Variants in PRCC observed in about 807,000 individuals in gnomAD.
The protein encoded by PRCC is proline-rich protein PRCC.
PRCC carries 10 observed loss-of-function variants against 44.0 expected under a neutral mutation model. That is an observed-to-expected ratio of 0.23 (90% CI 0.14 to 0.39). PRCC has a LOEUF of 0.39. Among genes scored for constraint, PRCC ranks in the 10% least tolerant of loss-of-function variants. PRCC has a pLI of 1.00. For synonymous variants in PRCC, 278 were observed against 259.5 expected, an observed-to-expected ratio of 1.07 and a Z score of -0.69; for missense variants, 573 against 624.7, an observed-to-expected ratio of 0.92 and a Z score of 0.88.
intron 1 of PRCC, among the ~76,000 whole-genome samples, chr1:156,774,771 G>A (rs1020613682): frequency 6.6e-6 from 1 of 151,970 alleles, no homozygotes; most frequent in Admixed American, 6.6e-5. Context: ...GGCCAAGATG[G>A]TGAAACCCCA....
chr1:156,774,157 C>CT lies in PRCC; in HGVS notation c.468+5954dup, dbSNP rs76271348. On this transcript the variant is annotated intron_variant, in intron 1 of 6. Transcript: ENST00000271526. ...GAGTTTCTTTCTTTTTTTGAGTCACCTTTTTTTTTTTTTTTTTTTTTTTTT... is the reference window on the plus strand; with the variant it reads ...GAGTTTCTTTCTTTTTTTGAGTCACCTTTTTTTTTTTTTTTTTTTTTTTTTT... 2.4e-3 allele frequency among the ~76,000 whole-genome samples: 130 copies of CT among 53,994 alleles called. 38 individuals are homozygous for CT. The highest frequency in any genetic ancestry group is 4.2e-3 in the Admixed American group (15 of 3,550). 35.4% of individuals were successfully genotyped at this position (53,994 alleles called of 152,430 possible).
intron 3 of PRCC, among the ~76,000 whole-genome samples, chr1:156,788,253 G>T (rs1652346265): frequency 6.6e-6 from 1 of 152,166 alleles, no homozygotes; most frequent in Non-Finnish European, 1.5e-5. Context: ...TGAAAACGTG[G>T]TATTTGGTTT....
At chr1:156,789,704 A>G (rs149626415) in intron 3 of PRCC, among the ~76,000 whole-genome samples, 2 of 152,346 alleles carry the variant, frequency 1.3e-5, no homozygotes, top group African/African-American at 4.8e-5. Flanking sequence ...AAGTTACTTA[A>G]CTGGCTCTCT....
rs369886073 is a variant in PRCC, at chr1:156,767,751, G to A, written c.-21G>A. 3.3e-5 allele frequency: 52 copies of A among 1,569,824 alleles called. No individual in the cohort carries two copies. The African/African-American group carries it at 6.1e-4, about 18-fold the overall frequency. On this transcript the variant is annotated 5_prime_UTR_variant, in exon 1 of 7. Transcript: ENST00000271526. ...GTAGGCCTCATCTGCCGGCAAGGGC[G>A]CCCGAAACGCGGGAGGCGCCATGTC...
At chr1:156,789,523 A>G (rs1171043611) in intron 3 of PRCC, among the ~76,000 whole-genome samples, 1 of 152,204 alleles carries the variant, frequency 6.6e-6, no homozygotes, top group Non-Finnish European at 1.5e-5. Flanking sequence ...AAGAGTTTCT[A>G]GAGGTGAGGA....
chr1:156,774,985 A>G (rs1461890861), intron 1 of PRCC, among the ~76,000 whole-genome samples: 1 of 149,006 alleles, frequency 6.7e-6, no homozygotes, highest in African/African-American at 2.5e-5. Flanking sequence ...GCAGTGGCTC[A>G]TGCCTGTAAT....
Position 156,794,648 on chromosome 1 carries a change from A to T in PRCC, c.1180-17A>T, listed in dbSNP as rs758689042. The T allele has an allele frequency of 6.1e-5, 98 of 1,613,498 alleles. No homozygotes were observed. The highest frequency in any genetic ancestry group is 8.0e-5 in the Non-Finnish European group (94 of 1,179,822). On this transcript the variant is annotated splice_polypyrimidine_tract_variant and intron_variant, in intron 4 of 6. Coordinates refer to ENST00000271526, the MANE Select transcript of PRCC (RefSeq NM_005973.5). ...CCTTGCCCAGATTCCTGACTCCTGC[A>T]TTTTTTTCTTTTCCAGTTTAAGCGG...
chr1:156,781,128 G>A (rs1652035847), intron 1 of PRCC, among the ~76,000 whole-genome samples: 2 of 152,190 alleles, frequency 1.3e-5, no homozygotes, highest in South Asian at 4.2e-4. Context: ...GCACACACAC[G>A]GAATCTTTGA....
chr1:156,768,212 C>G lies in PRCC; in HGVS notation c.441C>G (p.Ile147Met). 6.5e-7 allele frequency: 1 copy of G among 1,544,828 alleles called. No individual in the cohort carries two copies. The highest frequency in any genetic ancestry group is 8.7e-7 in the Non-Finnish European group (1 of 1,147,222). The change falls in exon 1 of 7, where the codon ATC (isoleucine) becomes ATG (methionine). Residue 147 changes from isoleucine (I) to methionine (M), a missense_variant. Coordinates refer to ENST00000271526, the MANE Select transcript of PRCC (RefSeq NM_005973.5). Reference sequence around the variant, plus strand: ...AGAAGAGGAAAGAGCCCGTGAAGATCGCGGCGCCGGAGTTGCATAAGGGAG... The same window carrying G: ...AGAAGAGGAAAGAGCCCGTGAAGATGGCGGCGCCGGAGTTGCATAAGGGAG... ...KPKKRKEPVK[I>M]AAPELHKGDS...
At chr1:156,800,142 T>C (rs1480614849) in intron 6 of PRCC, among the ~76,000 whole-genome samples, 1 of 152,216 alleles carries the variant, frequency 6.6e-6, no homozygotes, top group Non-Finnish European at 1.5e-5. Flanking sequence ...AGCACCAGGA[T>C]TCTTGAGTCT....
chr1:156,771,322 C>G (rs1284022608), intron 1 of PRCC, among the ~76,000 whole-genome samples: 1 of 152,136 alleles, frequency 6.6e-6, no homozygotes, highest in Non-Finnish European at 1.5e-5. Flanking sequence ...GGTCTTTCTA[C>G]CTCATTTTGG....
At chr1:156,769,836 G>A (rs1297217004) in intron 1 of PRCC, among the ~76,000 whole-genome samples, 1 of 152,016 alleles carries the variant, frequency 6.6e-6, no homozygotes, top group African/African-American at 2.4e-5. Context: ...TCCTGACCTC[G>A]TGATCCACCC....
intron 4 of PRCC, 93 bp from the exon 5 acceptor site, chr1:156,794,572 G>A: frequency 6.8e-7 from 1 of 1,478,094 alleles, no homozygotes; most frequent in East Asian, 2.3e-5. Flanking sequence ...GGATTGGTGA[G>A]TCACAAAATC....
chr1:156,791,866 T>A, intron 4 of PRCC, 74 bp downstream of exon 4: 3 of 1,368,428 alleles, frequency 2.2e-6, no homozygotes, highest in African/African-American at 1.5e-5. Context: ...CAAAGGAAAT[T>A]AAAAAAACAC....
At chr1:156,781,513 A>G (rs1274332721) in intron 1 of PRCC, among the ~76,000 whole-genome samples, 1 of 152,236 alleles carries the variant, frequency 6.6e-6, no homozygotes, top group East Asian at 1.9e-4. Flanking sequence ...AAAGCTTGCT[A>G]TTCATATGCC....
At chr1:156,792,440 T>TTTTTATG (rs1378017344) in intron 4 of PRCC, among the ~76,000 whole-genome samples, 3 of 152,070 alleles carry the variant, frequency 2.0e-5, no homozygotes, top group Non-Finnish European at 4.4e-5. Flanking sequence ...TTGTTTGTGT[T>TTTTTATG]TTTTTTGTTT....
chr1:156,791,531 C>T (rs544310254), intron 3 of PRCC, 166 bp from the exon 4 acceptor site: 65 of 611,222 alleles, frequency 1.1e-4, no homozygotes, highest in East Asian at 3.4e-4. Context: ...AGTTGTAGGT[C>T]GGTCCTTGGG....
rs1449373262 is a variant in PRCC at position 156,786,964 on chromosome 1, C to T, written c.873C>T (p.Tyr291=). Reference sequence around the variant, plus strand: ...CTGAGCCACCTGGAGTTGAGCCATACCCTTACCCCATCCCCACTGTCCCTG... The same window carrying T: ...CTGAGCCACCTGGAGTTGAGCCATATCCTTACCCCATCCCCACTGTCCCTG... ...EKAEPPGVEP[Y]PYPIPTVPEE... is the part of the protein sequence containing the mutation. Residue 291 remains tyrosine (Y), a synonymous_variant, in exon 3 of 7, where the codon TAC becomes TAT. Coordinates refer to ENST00000271526, the MANE Select transcript of PRCC (RefSeq NM_005973.5). 3 of 1,614,120 alleles carry T rather than the reference C, an allele frequency of 1.9e-6. No individual in the cohort carries two copies. The highest frequency in any genetic ancestry group is 8.5e-7 in the Non-Finnish European group (1 of 1,180,052).
chr1:156,770,535 C>T (rs1298296947), intron 1 of PRCC, among the ~76,000 whole-genome samples: 1 of 152,178 alleles, frequency 6.6e-6, no homozygotes, highest in Admixed American at 6.5e-5. Flanking sequence ...CCACCACGCC[C>T]AGCTAATTTT....
Sources: gnomAD v4.1 joint callset for allele counts (sites outside exome capture counted in the v4.1 genomes callset) on GRCh38, gnomAD v4.1.1 for gene constraint, MANE v1.5 for transcripts, NCBI Gene and HGNC (gene_info 2026-07-23, HGNC 2026-07-21) for gene names.